CCDC18: variants seen among roughly 807,000 people sequenced by gnomAD.
CCDC18 encodes coiled-coil domain containing 18, also known as coiled-coil domain-containing protein 18.
A neutral mutation model predicts 196.0 loss-of-function variants in CCDC18; 157 were observed. The observed-to-expected ratio is 0.80, with a 90% CI of 0.70 to 0.91. CCDC18 has a LOEUF of 0.91. CCDC18 is among the 40% of genes least tolerant of loss of function. The pLI, the probability that CCDC18 is intolerant of heterozygous loss-of-function variation, is 0.00. For missense variants in CCDC18, 1,465 were observed against 1,611.6 expected (o/e 0.91, Z 1.56); for synonymous variants, 482 against 529.2 (o/e 0.91, Z 1.22).
intron 4 of CCDC18, among the ~76,000 whole-genome samples, chr1:93,190,002 G>A (rs374328076): frequency 5.3e-4 from 81 of 152,060 alleles, no homozygotes; most frequent in South Asian, 2.3e-3. Context: ...ATTATTTTTT[G>A]CACTTCTATT....
intron 5 of CCDC18, among the ~76,000 whole-genome samples, chr1:93,192,334 G>A (rs1651958387): frequency 6.6e-6 from 1 of 152,178 alleles, no homozygotes; most frequent in Admixed American, 6.5e-5. Flanking sequence ...CTATTTACAT[G>A]CTTTTATCAA....
chr1:93,211,106 C>G (rs1166943974), intron 10 of CCDC18, among the ~76,000 whole-genome samples, 180 bp downstream of exon 10: 1 of 152,016 alleles, frequency 6.6e-6, no homozygotes, highest in East Asian at 1.9e-4. Flanking sequence ...GAAACCTCGT[C>G]TCTACTAAAA....
intron 9 of CCDC18, among the ~76,000 whole-genome samples, chr1:93,208,215 A>G (rs190604470): frequency 1.4e-3 from 209 of 152,344 alleles, no homozygotes; most frequent in Non-Finnish European, 2.4e-3. Context: ...CTCACCAGCA[A>G]TGTATGAGGG....
intron 6 of CCDC18, among the ~76,000 whole-genome samples, chr1:93,199,339 AGGCGCCAGCACG>A (rs973739591): frequency 1.2e-4 from 19 of 152,340 alleles, no homozygotes; most frequent in Middle Eastern, 3.4e-3. Context: ...GAGCAGCTCC[AGGCGCCAGCACG>A]GGCGCCAGCT....
chr1:93,230,211 A>C (rs1392025260), intron 17 of CCDC18, among the ~76,000 whole-genome samples: 1 of 152,088 alleles, frequency 6.6e-6, no homozygotes, highest in Non-Finnish European at 1.5e-5. Context: ...TTTTAAACTA[A>C]AGCCAACTGG....
At position 93,239,610 on chromosome 1, in the gene CCDC18, TA is replaced by T; in HGVS notation, c.2768-72del. The T allele has an allele frequency of 3.0e-6, 4 of 1,324,574 alleles. No homozygotes were observed. In the Admixed American group the frequency reaches 6.4e-5, roughly 21 times the overall value. The allele number at this position is 1,324,574 out of a possible 1,614,324, so 82.1% of individuals were successfully genotyped here. On this transcript the variant is annotated intron_variant, in intron 20 of 28. Coordinates refer to ENST00000690025, the MANE Select transcript of CCDC18 (RefSeq NM_001378204.1). ...CCTCTCGTAGATGAATATAATTGAATATTCTTAATATATACAAAGTTTGTAA... is the reference window on the plus strand; with the variant it reads ...CCTCTCGTAGATGAATATAATTGAATTTCTTAATATATACAAAGTTTGTAA...
At position 93,189,543 on chromosome 1, in the gene CCDC18, C is replaced by T. The variant is rs181013193; in HGVS notation, c.463-2457C>T. Reference sequence around the variant, plus strand: ...GTATTTTTAGTTTTTTGAGGAGCCTCCAAACTGTTCTCCATACTGGTTGTA... The same window carrying T: ...GTATTTTTAGTTTTTTGAGGAGCCTTCAAACTGTTCTCCATACTGGTTGTA... On this transcript the variant is annotated intron_variant, in intron 4 of 28. Transcript: ENST00000690025. 1.3e-3 allele frequency among the ~76,000 whole-genome samples: 199 copies of T among 152,348 alleles called. 1 individual carries two copies. The highest frequency in any genetic ancestry group is 2.2e-3 in the Non-Finnish European group (152 of 68,042).
chr1:93,221,977 T>C (rs1475364896), intron 16 of CCDC18, 41 bp downstream of exon 16: 2 of 1,378,796 alleles, frequency 1.5e-6, no homozygotes, highest in Non-Finnish European at 2.0e-6. Context: ...TTTCCTTTTT[T>C]TTTTTTTTAA....
chr1:93,260,618 ACTTT>A (rs953736564), intron 26 of CCDC18, among the ~76,000 whole-genome samples: 40 of 151,844 alleles, frequency 2.6e-4, no homozygotes, highest in South Asian at 6.2e-4. Context: ...TTTTTATTAT[ACTTT>A]CTTTTTTTTT....
At chr1:93,180,277 C>T (rs1358541110), upstream of CCDC18, 3 of 1,582,730 alleles carry the variant, frequency 1.9e-6, no homozygotes, top group Non-Finnish European at 2.6e-6. Context: ...AAAGAGGCGT[C>T]AGGTACTGTT....
chr1:93,217,898 G>T lies in CCDC18; in HGVS notation c.1962+29G>T, dbSNP rs1295049237. 5.1e-6 allele frequency: 8 copies of T among 1,558,750 alleles called. No individual in the cohort carries two copies. In the Middle Eastern group the frequency reaches 5.9e-4, roughly 114 times the overall value. On this transcript the variant is annotated intron_variant, in intron 14 of 28. Transcript: ENST00000690025. ...AGTAATACATATTTAGAATATGAGT[G>T]CTGAAAAGAAACTTAAACATTACTA...
chr1:93,252,663 A>G (rs559413455), intron 23 of CCDC18, among the ~76,000 whole-genome samples: 10 of 152,282 alleles, frequency 6.6e-5, no homozygotes, highest in Admixed American at 5.2e-4. Flanking sequence ...ATTTCTTTCA[A>G]TGTTCTTGAT....
At position 93,256,321 on chromosome 1, in the gene CCDC18, C is replaced by T; in HGVS notation, c.3343-14C>T. 1 of 1,610,240 alleles carries T rather than the reference C, an allele frequency of 6.2e-7. No individual in the cohort carries two copies. On this transcript the variant is annotated splice_polypyrimidine_tract_variant and intron_variant, in intron 24 of 28. Transcript: ENST00000690025. Reference sequence around the variant, plus strand: ...ATTTCATTCTGAAACCTACAAATACCTTATGCTTTTCAGGTTATGAAAGAG... The same window carrying T: ...ATTTCATTCTGAAACCTACAAATACTTTATGCTTTTCAGGTTATGAAAGAG...
intron 21 of CCDC18, among the ~76,000 whole-genome samples, chr1:93,243,776 G>C (rs1316203221): frequency 1.3e-5 from 2 of 152,166 alleles, no homozygotes; most frequent in Non-Finnish European, 2.9e-5. Context: ...CTTTGCTCCA[G>C]TTCCCAACAA....
At chr1:93,260,153 G>C (rs988929578) in intron 26 of CCDC18, among the ~76,000 whole-genome samples, 7 of 152,168 alleles carry the variant, frequency 4.6e-5, no homozygotes, top group Non-Finnish European at 7.3e-5. Context: ...GGAGGCCAAG[G>C]CAGGTGGATC....
At chr1:93,258,694 A>G (rs1663362349) in intron 25 of CCDC18, 54 bp from the exon 26 acceptor site, 1 of 1,433,558 alleles carries the variant, frequency 7.0e-7, no homozygotes, top group Non-Finnish European at 9.3e-7. Context: ...TAGTTTAGCT[A>G]TAATAACCAA....
At chr1:93,258,998 C>T in intron 26 of CCDC18, 113 bp downstream of exon 26, 1 of 823,012 alleles carries the variant, frequency 1.2e-6, no homozygotes, top group Non-Finnish European at 1.7e-6. Context: ...ACATTGTGGT[C>T]TTCATTTCTG....
intron 9 of CCDC18, 131 bp downstream of exon 9, chr1:93,207,529 T>G (rs1405972803): frequency 1.6e-6 from 1 of 639,738 alleles, no homozygotes; most frequent in Non-Finnish European, 2.5e-6. Context: ...GAATTTCTCT[T>G]CTGTCTAAAT....
At chr1:93,273,543 T>C (rs1164093948) in intron 28 of CCDC18, 1 of 152,250 alleles carries the variant, frequency 6.6e-6, no homozygotes, top group Non-Finnish European at 1.5e-5. Flanking sequence ...AGTTCTGTCA[T>C]GTGGAACAAC....
Sources: gnomAD v4.1 joint callset for allele counts (sites outside exome capture counted in the v4.1 genomes callset) on GRCh38, gnomAD v4.1.1 for gene constraint, MANE v1.5 for transcripts, NCBI Gene and HGNC (gene_info 2026-07-23, HGNC 2026-07-21) for gene names.